Variants in MYO19 observed in about 807,000 individuals in gnomAD.
MYO19 encodes the protein myosin XIX.
In MYO19, 132 loss-of-function variants were observed where a neutral mutation model predicts 129.2. That is an observed-to-expected ratio of 1.02 (90% CI 0.89 to 1.18). The LOEUF (loss-of-function observed/expected upper bound fraction) is 1.18, where lower values mean the gene tolerates loss of function less well. Ranked by LOEUF, MYO19 falls within the 50% of genes most tolerant of loss-of-function variation. MYO19 has a pLI of 0.00. For synonymous variants in MYO19, 531 were observed against 477.2 expected (o/e 1.11, Z -1.47); for missense variants, 1,210 against 1,216.7 (o/e 0.99, Z 0.08).
At chr17:36,527,740 A>T in intron 4 of MYO19, 41 bp from the exon 5 acceptor site, 1 of 1,586,124 alleles carries the variant, frequency 6.3e-7, no homozygotes, top group South Asian at 1.2e-5. Flanking sequence ...GCTCAAATAT[A>T]GTCAAACCAC....
chr17:36,509,156 A>T, intron 13 of MYO19, 21 bp from the exon 14 acceptor site: 1 of 1,611,912 alleles, frequency 6.2e-7, no homozygotes, highest in Non-Finnish European at 8.5e-7. Flanking sequence ...AAGAGAGTGG[A>T]CTCTGGTAAG....
chr17:36,510,721 A>T (rs1362108954), intron 13 of MYO19, 25 bp downstream of exon 13: 4 of 1,569,766 alleles, frequency 2.5e-6, no homozygotes, highest in Non-Finnish European at 3.5e-6. Context: ...GTCCTCCCCA[A>T]CAAGGGGCCA....
rs61744055 is a variant in MYO19 at position 36,501,103 on chromosome 17, C to T, written c.2213G>A (p.Cys738Tyr). 5.6e-5 allele frequency: 91 copies of T among 1,613,824 alleles called. No homozygotes were observed. In the African/African-American group the frequency reaches 1.1e-3, roughly 19 times the overall value. The part of the protein sequence containing the change: ...SAEAMPAPMH[C>Y]GRTKVFMTDS... ...AGTCATGAACACCTTGGTCCTGCCA[C>T]AGTGCATGGGGGCTGGCATGGCCTC... Residue 738 changes from cysteine to tyrosine, a missense_variant, in exon 22 of 26, where the codon TGT becomes TAT. Cys to Tyr is a radical substitution (Grantham distance 194). Transcript: ENST00000614623.
chr17:36,505,469 T>A, intron 18 of MYO19, 65 bp from the exon 19 acceptor site: 1 of 1,220,354 alleles, frequency 8.2e-7, no homozygotes, highest in East Asian at 2.3e-5. Context: ...AACTGGGCTC[T>A]GGTTAGTAAC....
In MYO19 at chr17:36,532,583, C is replaced by T; in HGVS notation, c.-45G>A. On this transcript the variant is annotated 5_prime_UTR_variant, in exon 3 of 26. Coordinates refer to ENST00000614623, the MANE Select transcript of MYO19 (RefSeq NM_001163735.2). ...CCAGGGTTCTGGGTTGCAGGAGGTA[C>T]AAGGAGTACTATCCACCTAGTCATG... is the stretch of plus-strand genomic sequence containing the variant. The T allele has an allele frequency of 6.4e-7, 1 of 1,552,158 alleles. No individual in the cohort carries two copies. Among genetic ancestry groups the T allele is most frequent in the Non-Finnish European group, 8.7e-7 (1 of 1,147,278 alleles).
At chr17:36,513,098 TTG>T in intron 11 of MYO19, 1 of 1,334,232 alleles carries the variant, frequency 7.5e-7, no homozygotes, top group Non-Finnish European at 9.6e-7. Flanking sequence ...TGAACATGAC[TTG>T]TAAGTTTTAA....
At chr17:36,538,026 A>G (rs1005223658), upstream of MYO19, 2 of 1,614,058 alleles carry the variant, frequency 1.2e-6, no homozygotes, top group South Asian at 1.1e-5. Flanking sequence ...AATAATCTCT[A>G]CCCTGGGGTA....
At chr17:36,543,643 A>T (rs950970768), upstream of MYO19, among the ~76,000 whole-genome samples, 6 of 151,710 alleles carry the variant, frequency 4.0e-5, no homozygotes, top group African/African-American at 1.5e-4. Flanking sequence ...TTTTGTTTTG[A>T]GATGGAGTTT....
At position 36,534,093 on chromosome 17, in the gene MYO19, A is replaced by C. The variant is rs2073981622; in HGVS notation, c.-284T>G. ...GGTTACCAGCCAAGAATTTCTGGAA[A>C]GGGTGTGAACACTGTGGGCAGAAAG... On this transcript the variant is annotated 5_prime_UTR_variant, in exon 2 of 26. Transcript: ENST00000614623. The C allele has an allele frequency of 6.6e-6, 1 of 152,322 alleles. No homozygotes were observed. The highest frequency in any genetic ancestry group is 2.4e-5 in the African/African-American group (1 of 41,464). 9.4% of individuals were successfully genotyped at this position (152,322 alleles called of 1,614,324 possible). A position where few individuals can be genotyped will look rare whatever the true frequency, so the allele number is the denominator to read the frequency against.
At chr17:36,520,314 G>T (rs1229917990) in intron 6 of MYO19, among the ~76,000 whole-genome samples, 1 of 152,094 alleles carries the variant, frequency 6.6e-6, no homozygotes, top group African/African-American at 2.4e-5. Context: ...TCAGCACTTT[G>T]ACCATAATGT....
At chr17:36,536,186 A>G (rs2074116136), upstream of MYO19, among the ~76,000 whole-genome samples, 1 of 152,138 alleles carries the variant, frequency 6.6e-6, no homozygotes, top group African/African-American at 2.4e-5. Flanking sequence ...TAATGCACCC[A>G]CCGTACCTAC....
intron 24 of MYO19, 136 bp from the exon 25 acceptor site, chr17:36,498,695 C>G: frequency 2.1e-6 from 2 of 960,594 alleles, no homozygotes; most frequent in East Asian, 5.3e-5. Flanking sequence ...GCTGGCTGCC[C>G]TGAACCAAAC....
intron 6 of MYO19, 29 bp downstream of exon 6, chr17:36,525,199 T>G: frequency 1.3e-6 from 2 of 1,546,964 alleles, no homozygotes; most frequent in African/African-American, 1.4e-5. Context: ...CAGTCGTGAG[T>G]TGACAGGATG....
intron 18 of MYO19, among the ~76,000 whole-genome samples, chr17:36,505,952 A>G (rs1269972550): frequency 2.0e-5 from 3 of 152,170 alleles, no homozygotes; most frequent in Non-Finnish European, 2.9e-5. Flanking sequence ...TGATAAAGCT[A>G]AAGTCTGAAG....
At chr17:36,538,635 ATAAG>A, upstream of MYO19, 1 of 1,526,882 alleles carries the variant, frequency 6.5e-7, no homozygotes, top group Non-Finnish European at 8.9e-7. Context: ...AGTAGGATAT[ATAAG>A]TATTTGGGCA....
chr17:36,539,126 T>C (rs1421739005), upstream of MYO19: 1 of 167,200 alleles, frequency 6.0e-6, no homozygotes, highest in East Asian at 1.9e-4. Context: ...TGTTAGAATG[T>C]ATTAAGTAGT....
rs1230711997 is a variant in MYO19, at chr17:36,503,934, G to C, written c.1976+16C>G. The stretch of plus-strand genomic sequence containing the variant: ...CTGTACTGGCCCTGCACTGTGCCGT[G>C]ATCGAGCCCACTCACCGGATGGGGA... On this transcript the variant is annotated intron_variant, in intron 20 of 25. Transcript: ENST00000614623. 2 of 1,578,330 alleles carry C rather than the reference G, an allele frequency of 1.3e-6. No homozygotes were observed. Among genetic ancestry groups the C allele is most frequent in the Non-Finnish European group, 1.7e-6 (2 of 1,163,328 alleles).
At chr17:36,523,229 G>A (rs1432003875) in intron 6 of MYO19, among the ~76,000 whole-genome samples, 1 of 151,878 alleles carries the variant, frequency 6.6e-6, no homozygotes, top group African/African-American at 2.4e-5. Context: ...GAACGCTATG[G>A]GTTCCTGCCA....
chr17:36,520,798 T>G (rs1367448470), intron 6 of MYO19, among the ~76,000 whole-genome samples: 1 of 152,244 alleles, frequency 6.6e-6, no homozygotes, highest in Non-Finnish European at 1.5e-5. Flanking sequence ...TACTGACTGT[T>G]ATGTTATTTG....
Sources: gnomAD v4.1 joint callset for allele counts (sites outside exome capture counted in the v4.1 genomes callset) on GRCh38, gnomAD v4.1.1 for gene constraint, MANE v1.5 for transcripts, NCBI Gene and HGNC (gene_info 2026-07-23, HGNC 2026-07-21) for gene names.